The following USP32 variants were observed in gnomAD, a reference collection of about 807,000 sequenced individuals.
USP32 encodes the protein ubiquitin specific peptidase 32, also known as ubiquitin carboxyl-terminal hydrolase 32.
Under a neutral mutation model 204.8 loss-of-function variants are expected in USP32, and 59 were observed. The observed-to-expected ratio is 0.29, with a 90% CI of 0.23 to 0.36. The LOEUF is 0.36. Among genes scored for constraint, USP32 ranks in the 10% least tolerant of loss-of-function variants. The pLI is 1.00. For missense variants in USP32, 1,160 were observed against 1,946.4 expected (o/e 0.60, Z 7.60); for synonymous variants, 517 against 678.4 (o/e 0.76, Z 3.70).
At chr17:60,354,493 A>T (rs1041306061) in intron 1 of USP32, among the ~76,000 whole-genome samples, 35 of 152,342 alleles carry the variant, frequency 2.3e-4, no homozygotes, top group African/African-American at 8.2e-4. Context: ...AACCTAGGAC[A>T]AGAAGAAATT....
chr17:60,411,886 T>C (rs1032037165), intron 1 of USP32, among the ~76,000 whole-genome samples: 3 of 152,214 alleles, frequency 2.0e-5, no homozygotes, highest in Non-Finnish European at 4.4e-5. Flanking sequence ...CATTCATCTA[T>C]TGATGGACAC....
chr17:60,195,295 A>T (rs919477364), intron 27 of USP32, among the ~76,000 whole-genome samples: 12 of 152,154 alleles, frequency 7.9e-5, no homozygotes, highest in South Asian at 4.1e-4. Context: ...TCCTTCACTT[A>T]ACTCCTGGTT....
chr17:60,366,823 C>T (rs1320029954), intron 1 of USP32, among the ~76,000 whole-genome samples: 1 of 151,678 alleles, frequency 6.6e-6, no homozygotes, highest in Non-Finnish European at 1.5e-5. Flanking sequence ...ATTTTAAGCC[C>T]ACTCTTTTTT....
At chr17:60,291,421 T>C (rs2087269845) in intron 4 of USP32, among the ~76,000 whole-genome samples, 1 of 152,136 alleles carries the variant, frequency 6.6e-6, no homozygotes, top group African/African-American at 2.4e-5. Context: ...CTTTATAACT[T>C]CATCTGTCAA....
At position 60,205,631 on chromosome 17, in the gene USP32, T is replaced by C. The variant is rs7210262; in HGVS notation, c.3065A>G (p.Glu1022Gly). The change falls in exon 26 of 34, where the codon GAA becomes GGA. Residue 1022 changes from glutamate to glycine, a missense_variant. Transcript: ENST00000300896. Reference protein sequence around the residue: ...TDFSSSPSTNEMFTLTTNGDL... With the variant: ...TDFSSSPSTNGMFTLTTNGDL... Reference sequence around the variant, plus strand: ...CCCATTGGTAGTTAGGGTGAACATTTCATTTGTAGATGGCGAAGAGGAGAA... The same window carrying C: ...CCCATTGGTAGTTAGGGTGAACATTCCATTTGTAGATGGCGAAGAGGAGAA... The C allele has an allele frequency of 1.4e-5, 22 of 1,612,104 alleles. No homozygotes were observed. Among genetic ancestry groups the C allele is most frequent in the South Asian group, 6.6e-5 (6 of 91,016 alleles).
intron 1 of USP32, among the ~76,000 whole-genome samples, chr17:60,357,595 T>G (rs2089112451): frequency 1.3e-5 from 2 of 152,190 alleles, no homozygotes; most frequent in South Asian, 4.1e-4. Context: ...TGCTGACAAC[T>G]CCCAATTCCT....
At chr17:60,283,892 T>C (rs748324663) in intron 5 of USP32, among the ~76,000 whole-genome samples, 12 of 152,216 alleles carry the variant, frequency 7.9e-5, no homozygotes, top group Admixed American at 4.6e-4. Flanking sequence ...AAGCAAAGAA[T>C]GTACATCATC....
At chr17:60,267,399 G>A (rs1027510653) in intron 7 of USP32, among the ~76,000 whole-genome samples, 12 of 151,980 alleles carry the variant, frequency 7.9e-5, no homozygotes, top group Non-Finnish European at 1.6e-4. Flanking sequence ...GCGAGACTTC[G>A]TCTCAAAAAA....
At chr17:60,349,623 A>ATATT (rs1251900916) in intron 1 of USP32, among the ~76,000 whole-genome samples, 1 of 65,666 alleles carries the variant, frequency 1.5e-5, no homozygotes, top group Non-Finnish European at 2.4e-5. Context: ...ATATATATAT[A>ATATT]TTATATATAT....
At position 60,336,715 on chromosome 17, in the gene USP32, CAAAAAAAAA is replaced by C. The variant is rs573590957; in HGVS notation, c.186+8757_186+8765del. ...TGGGAGACAGAGCGAGACTCCATCT[CAAAAAAAAA>C]AAAAAAGAAAAAAAAGAAATGAATT... On this transcript the variant is annotated intron_variant, in intron 2 of 33. Transcript: ENST00000300896. Among the ~76,000 whole-genome samples, 6 of 71,616 alleles carry C rather than the reference CAAAAAAAAA, an allele frequency of 8.4e-5. No homozygotes were observed. In the South Asian group the frequency reaches 1.9e-3, roughly 22 times the overall value. 47.0% of individuals were successfully genotyped at this position (71,616 alleles called of 152,430 possible).
Position 60,214,617 on chromosome 17 carries a change from T to C in USP32, c.2022+3A>G. The C allele has an allele frequency of 1.9e-6, 3 of 1,612,780 alleles. No homozygotes were observed. Among genetic ancestry groups the C allele is most frequent in the South Asian group, 1.1e-5 (1 of 90,976 alleles). On this transcript the variant is annotated splice_donor_region_variant and intron_variant, in intron 17 of 33. Transcript: ENST00000300896. ...CTCTCTATGACTCTGAGATGCCTCTTACCTCACTGTTGTATAGCCACAGGC... is the reference window on the plus strand; with the variant it reads ...CTCTCTATGACTCTGAGATGCCTCTCACCTCACTGTTGTATAGCCACAGGC...
chr17:60,308,573 TG>T (rs1207756912), intron 2 of USP32, among the ~76,000 whole-genome samples: 2 of 151,870 alleles, frequency 1.3e-5, no homozygotes, highest in East Asian at 1.9e-4. Context: ...GAAAATACAA[TG>T]GGGGAAAGAA....
intron 1 of USP32, among the ~76,000 whole-genome samples, chr17:60,417,676 A>G (rs2090072809): frequency 6.6e-6 from 1 of 151,162 alleles, no homozygotes; most frequent in Non-Finnish European, 1.5e-5. Context: ...CTGGTCTCGA[A>G]CTCCTGACCT....
intron 2 of USP32, among the ~76,000 whole-genome samples, chr17:60,307,224 C>T (rs907458619): frequency 4.0e-5 from 6 of 151,886 alleles, no homozygotes; most frequent in Non-Finnish European, 8.8e-5. Context: ...CTCAGCCTCC[C>T]GAGTAGCTGG....
intron 12 of USP32, chr17:60,231,730 C>A (rs983105442): frequency 3.2e-5 from 12 of 369,548 alleles, no homozygotes; most frequent in African/African-American, 2.5e-4. Flanking sequence ...GTAATAGCTG[C>A]TCCTTCATAG....
intron 10 of USP32, among the ~76,000 whole-genome samples, chr17:60,253,955 A>AGC (rs2145717671): frequency 6.6e-6 from 1 of 152,318 alleles, no homozygotes; most frequent in South Asian, 2.1e-4. Context: ...CTATCAGATT[A>AGC]TATATGTTTT....
chr17:60,368,694 A>G (rs1257450186), intron 1 of USP32, among the ~76,000 whole-genome samples: 3 of 152,202 alleles, frequency 2.0e-5, no homozygotes, highest in Non-Finnish European at 4.4e-5. Flanking sequence ...TTATGTTTCT[A>G]CTGCACATAG....
chr17:60,370,958 T>C (rs1430136749), intron 1 of USP32, among the ~76,000 whole-genome samples: 1 of 151,808 alleles, frequency 6.6e-6, no homozygotes, highest in Non-Finnish European at 1.5e-5. Flanking sequence ...CAAGGCATGG[T>C]GGCTCATGCC....
chr17:60,386,186 A>T (rs1190175421), intron 1 of USP32, among the ~76,000 whole-genome samples: 2 of 141,654 alleles, frequency 1.4e-5, no homozygotes, highest in Non-Finnish European at 2.9e-5. Flanking sequence ...ATGCAGAAAG[A>T]CATTAAACTG....
Sources: gnomAD v4.1 joint callset for allele counts (sites outside exome capture counted in the v4.1 genomes callset) on GRCh38, gnomAD v4.1.1 for gene constraint, MANE v1.5 for transcripts, NCBI Gene and HGNC (gene_info 2026-07-23, HGNC 2026-07-21) for gene names.